The following SDR42E2 variants were observed in gnomAD, a reference collection of about 807,000 sequenced individuals.
SDR42E2 encodes short chain dehydrogenase/reductase family 42E, member 2, also known as putative short-chain dehydrogenase/reductase family 42E member 2.
A neutral mutation model predicts 10.5 loss-of-function variants in SDR42E2; 20 were observed. That is an observed-to-expected ratio of 1.90 (90% confidence interval 1.34 to 2.77). The LOEUF is 2.77. SDR42E2 is among the 30% of genes most tolerant of loss of function. The probability of loss-of-function intolerance (pLI) is 0.00; values close to 1 mark genes in which losing one functional copy is unlikely to be tolerated. For missense variants in SDR42E2, 162 were observed against 104.2 expected (o/e 1.55, Z -2.42); for synonymous variants, 72 against 39.2 (o/e 1.84, Z -3.12).
chr16:22,179,913 C>A (rs2046678985), intron 8 of SDR42E2, among the ~76,000 whole-genome samples: 1 of 151,806 alleles, frequency 6.6e-6, no homozygotes, highest in Non-Finnish European at 1.5e-5. Context: ...CGGGGGGGCT[C>A]ATTTAGAAAG....
intron 12 of SDR42E2, among the ~76,000 whole-genome samples, chr16:22,187,240 A>AT (rs2046742572): frequency 1.3e-5 from 2 of 152,156 alleles, no homozygotes. Flanking sequence ...TATATTAAGT[A>AT]CCTACTACAT....
In SDR42E2 at chr16:22,166,943, G is replaced by A. The variant is rs775502693; in HGVS notation, c.280G>A (p.Glu94Lys). The A allele has an allele frequency of 1.3e-5, 9 of 701,026 alleles. No homozygotes were observed. Among genetic ancestry groups the A allele is most frequent in the African/African-American group, 7.0e-5 (4 of 57,168 alleles). 43.4% of individuals were successfully genotyped at this position (701,026 alleles called of 1,614,324 possible). A position where few individuals can be genotyped will look rare whatever the true frequency, so the allele number is the denominator to read the frequency against. Residue 94 changes from glutamate (E) to lysine (K), a missense_variant, in exon 4 of 13, where the codon GAA becomes AAA. Physicochemically the swap from Glu to Lys is moderately conservative, Grantham distance 56 (BLOSUM62 1). Transcript: ENST00000602312. The stretch of plus-strand genomic sequence containing the variant: ...TGAAGAAGCCCTGTACCGTGCCTTC[G>A]AAGGGGTGGACTGTGTCTTCCACGT... ...RDEEALYRAFEGVDCVFHVAS... is the reference protein window; with the variant it reads ...RDEEALYRAFKGVDCVFHVAS...
intron 1 of SDR42E2, among the ~76,000 whole-genome samples, chr16:22,164,065 C>CGGGGGGGGGGGGG (rs2046516731): frequency 5.2e-5 from 1 of 19,386 alleles, no homozygotes; most frequent in African/African-American, 2.2e-4. Flanking sequence ...AGAGGGAGGT[C>CGGGGGGGGGGGGG]GGGAGGGGGG....
At chr16:22,178,084 G>A (rs1350802632) in intron 7 of SDR42E2, 46 bp from the exon 8 acceptor site, 1 of 694,714 alleles carries the variant, frequency 1.4e-6, no homozygotes, top group Admixed American at 2.0e-5. Context: ...CTCTCCCTGT[G>A]GGCTGCTCCT....
intron 3 of SDR42E2, 138 bp from the exon 4 acceptor site, chr16:22,166,766 C>T (rs2046543941): frequency 4.5e-6 from 2 of 446,910 alleles, no homozygotes; most frequent in African/African-American, 2.0e-5. Flanking sequence ...TCCTGCCCCA[C>T]CAGCCTTTCC....
intron 8 of SDR42E2, among the ~76,000 whole-genome samples, chr16:22,179,501 T>C (rs2046674382): frequency 6.6e-6 from 1 of 152,146 alleles, no homozygotes. Context: ...AGACAGATAA[T>C]GAACATGTTA....
intron 5 of SDR42E2, among the ~76,000 whole-genome samples, 185 bp downstream of exon 5, chr16:22,169,687 A>C (rs1351239240): frequency 6.6e-6 from 1 of 152,194 alleles, no homozygotes; most frequent in Admixed American, 6.5e-5. Context: ...ATGTCTGGGA[A>C]CATGGGGACC....
At chr16:22,163,575 C>T (rs758369247) in intron 1 of SDR42E2, among the ~76,000 whole-genome samples, 11 of 152,172 alleles carry the variant, frequency 7.2e-5, no homozygotes, top group East Asian at 1.9e-4. Flanking sequence ...GGTGTGGTGG[C>T]GCGTGCCTGT....
At chr16:22,173,022 C>CCCTCAAGTTCGAGGGAG (rs2046613846) in intron 7 of SDR42E2, among the ~76,000 whole-genome samples, 1 of 152,144 alleles carries the variant, frequency 6.6e-6, no homozygotes, top group Non-Finnish European at 1.5e-5. Flanking sequence ...CTCAAGTGAT[C>CCCTCAAGTTCGAGGGAG]TTCCTGCCTC....
In SDR42E2 at chr16:22,181,501, C is replaced by T. The variant is rs1433478058; in HGVS notation, c.673-18C>T. ...ACACCGGACACAAGCCTGTTTATCA[C>T]CCACTCCTCTCCACCAGGGCCACAT... On this transcript the variant is annotated intron_variant, in intron 8 of 12. Transcript: ENST00000602312. 1.4e-6 allele frequency: 1 copy of T among 703,060 alleles called. No individual in the cohort carries two copies. The highest frequency in any genetic ancestry group is 2.6e-6 in the Non-Finnish European group (1 of 384,996). The allele number at this position is 703,060 out of a possible 1,614,324, so 43.6% of individuals were successfully genotyped here. A position where few individuals can be genotyped will look rare whatever the true frequency, so the allele number is the denominator to read the frequency against.
intron 4 of SDR42E2, among the ~76,000 whole-genome samples, chr16:22,168,624 A>G (rs1165281509): frequency 2.0e-5 from 3 of 152,042 alleles, no homozygotes; most frequent in Non-Finnish European, 2.9e-5. Context: ...TGTACCCCCA[A>G]CATTTGGAGA....
chr16:22,173,783 A>G (rs192265425), intron 7 of SDR42E2, among the ~76,000 whole-genome samples: 3 of 151,510 alleles, frequency 2.0e-5, no homozygotes, highest in Non-Finnish European at 4.4e-5. Context: ...GCACTTTGGG[A>G]GGCGGAGGTG....
intron 7 of SDR42E2, among the ~76,000 whole-genome samples, chr16:22,174,890 G>A (rs559141961): frequency 1.3e-5 from 2 of 152,246 alleles, no homozygotes; most frequent in African/African-American, 4.8e-5. Context: ...AAAATTAGCT[G>A]CAAGCTGTTT....
At chr16:22,164,846 A>G (rs766556132) in intron 1 of SDR42E2, among the ~76,000 whole-genome samples, 2 of 152,158 alleles carry the variant, frequency 1.3e-5, no homozygotes, top group African/African-American at 2.4e-5. Context: ...CCAGTCAGAA[A>G]GCAGCCACCT....
At chr16:22,181,451 C>T in intron 8 of SDR42E2, 68 bp from the exon 9 acceptor site, 1 of 700,180 alleles carries the variant, frequency 1.4e-6, no homozygotes. Flanking sequence ...GGGGAGTCAT[C>T]AGCATCTAGA....
At position 22,170,883 on chromosome 16, in the gene SDR42E2, G is replaced by A. The variant is rs1388906677; in HGVS notation, c.445G>A (p.Val149Ile). Residue 149 changes from valine (V) to isoleucine (I), a missense_variant, in exon 6 of 13, where the codon GTT (valine) becomes ATT (isoleucine). Physicochemically the swap from Val to Ile is conservative, Grantham distance 29. Transcript: ENST00000602312. ...PRLIYTSTVN[V>I]AFGGKPIEQG... ...GCTCATCTATACCAGCACTGTCAAT[G>A]TTGCATTTGGAGGGAAGCCCATAGA... The A allele has an allele frequency of 1.4e-6, 1 of 703,024 alleles. No homozygotes were observed. The allele number at this position is 703,024 out of a possible 1,614,324, so 43.5% of individuals were successfully genotyped here. A position where few individuals can be genotyped will look rare whatever the true frequency, so the allele number is the denominator to read the frequency against.
intron 11 of SDR42E2, among the ~76,000 whole-genome samples, chr16:22,185,942 C>T (rs955776331): frequency 1.3e-5 from 2 of 150,622 alleles, no homozygotes; most frequent in African/African-American, 5.0e-5. Flanking sequence ...GGGCGTCTCA[C>T]TTTGTTGTCT....
At chr16:22,172,231 T>G (rs528770215) in intron 6 of SDR42E2, 25 bp from the exon 7 acceptor site, 1 of 702,790 alleles carries the variant, frequency 1.4e-6, no homozygotes, top group Non-Finnish European at 2.6e-6. Context: ...TCTCTGGTGG[T>G]TCTGTTTTTC....
In SDR42E2 at chr16:22,191,620, T is replaced by C. The variant is rs751795130; in HGVS notation, c.*1227T>C. 1 of 151,972 alleles carries C rather than the reference T, an allele frequency of 6.6e-6. No homozygotes were observed. The highest frequency in any genetic ancestry group is 1.5e-5 in the Non-Finnish European group (1 of 68,006). The allele number at this position is 151,972 out of a possible 1,614,324, so 9.4% of individuals were successfully genotyped here. On this transcript the variant is annotated 3_prime_UTR_variant, in exon 13 of 13. Transcript: ENST00000602312. Reference sequence around the variant, plus strand: ...CCGAGCCCGACTTGGCCTTTTTGGGTTCCTGTCTGAGGATGACAGCATAGT... The same window carrying C: ...CCGAGCCCGACTTGGCCTTTTTGGGCTCCTGTCTGAGGATGACAGCATAGT...
Sources: allele counts gnomAD v4.1 joint callset (sites outside exome capture counted in the v4.1 genomes callset), GRCh38; gene constraint gnomAD v4.1.1; transcripts MANE v1.5; gene names NCBI Gene and HGNC (gene_info 2026-07-23, HGNC 2026-07-21).